The following ZFHX3 variants were observed in gnomAD, a reference collection of about 807,000 sequenced individuals.
The protein encoded by ZFHX3 is zinc finger homeobox protein 3.
A neutral mutation model predicts 279.1 loss-of-function variants in ZFHX3; 42 were observed. The observed-to-expected ratio is 0.15, with a 90% CI of 0.12 to 0.19. The LOEUF (loss-of-function observed/expected upper bound fraction) is 0.19, where lower values mean the gene tolerates loss of function less well. Ranked by LOEUF, ZFHX3 falls within the 10% of genes least tolerant of loss-of-function variation. The pLI, the probability that ZFHX3 is intolerant of heterozygous loss-of-function variation, is 1.00. For missense variants in ZFHX3, 4,981 were observed against 4,754.0 expected, an observed-to-expected ratio of 1.05 and a Z score of -1.40; for synonymous variants, 2,293 against 1,957.8, an observed-to-expected ratio of 1.17 and a Z score of -4.52.
chr16:72,805,767 T>C (rs1325542784), intron 7 of ZFHX3, among the ~76,000 whole-genome samples: 2 of 152,184 alleles, frequency 1.3e-5, no homozygotes, highest in Non-Finnish European at 2.9e-5. Flanking sequence ...CTCTTGCCAG[T>C]AGAGTTTCAG....
chr16:73,557,439 A>G (rs531945444), intron 2 of ZFHX3, among the ~76,000 whole-genome samples: 1 of 152,274 alleles, frequency 6.6e-6, no homozygotes, highest in South Asian at 2.1e-4. Flanking sequence ...TAAGAAAGTA[A>G]AGGAATGAAA....
chr16:73,017,657 T>C (rs963649097), intron 1 of ZFHX3, among the ~76,000 whole-genome samples: 16 of 152,062 alleles, frequency 1.1e-4, no homozygotes, highest in African/African-American at 3.4e-4. Context: ...CTAGACCACA[T>C]AGTCCTCCAC....
intron 2 of ZFHX3, among the ~76,000 whole-genome samples, chr16:73,645,196 T>A (rs1392270512): frequency 6.6e-6 from 1 of 152,242 alleles, no homozygotes; most frequent in Non-Finnish European, 1.5e-5. Context: ...ATAAATTTTT[T>A]AAAATTTTTC....
At chr16:73,231,323 G>T (rs533029672) in intron 5 of ZFHX3, among the ~76,000 whole-genome samples, 1 of 152,306 alleles carries the variant, frequency 6.6e-6, no homozygotes, top group Admixed American at 6.5e-5. Flanking sequence ...GAAGACGAGA[G>T]AACCGAGGGG....
intron 1 of ZFHX3, among the ~76,000 whole-genome samples, chr16:72,986,153 T>A (rs1259351687): frequency 6.6e-6 from 1 of 150,814 alleles, no homozygotes; most frequent in East Asian, 2.0e-4. Context: ...CCGTCCTGGG[T>A]GGAGCTTCAC....
At chr16:73,797,000 G>A (rs1280448895) in intron 1 of ZFHX3, among the ~76,000 whole-genome samples, 1 of 151,944 alleles carries the variant, frequency 6.6e-6, no homozygotes. Flanking sequence ...TCGGGAGTTC[G>A]AGACCAGCCT....
intron 7 of ZFHX3, among the ~76,000 whole-genome samples, chr16:72,805,782 G>A (rs2036245545): frequency 6.6e-6 from 1 of 152,152 alleles, no homozygotes; most frequent in South Asian, 2.1e-4. Context: ...TTTCAGAGTT[G>A]GGTTCCCCAC....
intron 1 of ZFHX3, among the ~76,000 whole-genome samples, chr16:73,755,697 C>A (rs1263874119): frequency 1.3e-5 from 2 of 152,192 alleles, no homozygotes; most frequent in African/African-American, 4.8e-5. Flanking sequence ...GGCAAGGAAT[C>A]GAACCTCCCG....
At chr16:73,072,506 A>T (rs368561042) in intron 8 of ZFHX3, among the ~76,000 whole-genome samples, 16 of 151,716 alleles carry the variant, frequency 1.1e-4, no homozygotes, top group African/African-American at 3.1e-4. Context: ...CCCTACTAAG[A>T]CCTAGAGGTG....
intron 2 of ZFHX3, among the ~76,000 whole-genome samples, chr16:73,497,573 G>C (rs2019162967): frequency 6.6e-6 from 1 of 152,138 alleles, no homozygotes; most frequent in Admixed American, 6.5e-5. Flanking sequence ...AGGAGGCTGA[G>C]GCAGGAAGAT....
chr16:72,850,500 C>T (rs2037589260), intron 4 of ZFHX3, among the ~76,000 whole-genome samples: 1 of 152,168 alleles, frequency 6.6e-6, no homozygotes, highest in African/African-American at 2.4e-5. Context: ...AAAAATTTCT[C>T]TGGGCAGCGA....
intron 3 of ZFHX3, among the ~76,000 whole-genome samples, chr16:73,416,964 C>A (rs1285754316): frequency 6.6e-6 from 1 of 151,980 alleles, no homozygotes; most frequent in Non-Finnish European, 1.5e-5. Context: ...AAGGGAAAAA[C>A]AGTAACTTTG....
chr16:73,676,151 C>T (rs979838253), intron 2 of ZFHX3, among the ~76,000 whole-genome samples: 15 of 152,062 alleles, frequency 9.9e-5, no homozygotes, highest in African/African-American at 3.4e-4. Context: ...ATAACAATAA[C>T]TAATTATAGC....
intron 3 of ZFHX3, among the ~76,000 whole-genome samples, chr16:72,922,092 A>G (rs1455790306): frequency 6.6e-6 from 1 of 152,130 alleles, no homozygotes; most frequent in Non-Finnish European, 1.5e-5. Flanking sequence ...TCTGCCACTG[A>G]GTCACCGAAA....
At chr16:73,495,356 C>T (rs1164226442) in intron 2 of ZFHX3, among the ~76,000 whole-genome samples, 1 of 152,180 alleles carries the variant, frequency 6.6e-6, no homozygotes, top group Non-Finnish European at 1.5e-5. Context: ...TGTTCTTTAG[C>T]TCTGATCCAG....
intron 1 of ZFHX3, among the ~76,000 whole-genome samples, chr16:73,000,543 G>T (rs1193233754): frequency 3.3e-5 from 5 of 152,152 alleles, no homozygotes; most frequent in African/African-American, 1.2e-4. Context: ...GTAAGTGGTG[G>T]CATTGAGACA....
At chr16:73,307,767 G>A (rs940678075) in intron 4 of ZFHX3, among the ~76,000 whole-genome samples, 3 of 152,114 alleles carry the variant, frequency 2.0e-5, no homozygotes, top group Admixed American at 6.5e-5. Context: ...TACCCACGAG[G>A]TGATGATAAT....
intron 1 of ZFHX3, among the ~76,000 whole-genome samples, chr16:73,842,385 C>G (rs571126361): frequency 1.3e-5 from 2 of 152,150 alleles, no homozygotes; most frequent in Admixed American, 6.5e-5. Flanking sequence ...GGAATTACCC[C>G]CCAGCCTTAA....
chr16:72,825,400 C>T (rs1350223035), intron 5 of ZFHX3, among the ~76,000 whole-genome samples: 2 of 152,208 alleles, frequency 1.3e-5, no homozygotes, highest in African/African-American at 4.8e-5. Flanking sequence ...AATGATCCTT[C>T]TCTGAGAGAT....
Sources: allele counts gnomAD v4.1 joint callset (sites outside exome capture counted in the v4.1 genomes callset), GRCh38; gene constraint gnomAD v4.1.1; transcripts MANE v1.5; gene names NCBI Gene and HGNC (gene_info 2026-07-23, HGNC 2026-07-21).